The following CFAP410 variants were observed in gnomAD, a reference collection of about 807,000 sequenced individuals.
CFAP410 encodes the protein cilia and flagella associated protein 410, also known as cilia- and flagella-associated protein 410.
A neutral mutation model predicts 25.7 loss-of-function variants in CFAP410; 27 were observed. The observed-to-expected ratio is 1.05, with a 90% CI of 0.77 to 1.45. The LOEUF (loss-of-function observed/expected upper bound fraction) is 1.45, where lower values mean the gene tolerates loss of function less well. Among genes scored for constraint, CFAP410 ranks in the 40% most tolerant of loss-of-function variants. The pLI is 0.00. For synonymous variants in CFAP410, 178 were observed against 158.4 expected (o/e 1.12, Z -0.93); for missense variants, 428 against 354.1 (o/e 1.21, Z -1.67).
chr21:44,330,320 G>A lies in CFAP410; in HGVS notation c.649C>T (p.Leu217=), dbSNP rs1340850087. 1.9e-6 allele frequency: 3 copies of A among 1,610,368 alleles called. No homozygotes were observed. Among genetic ancestry groups the A allele is most frequent in the African/African-American group, 1.3e-5 (1 of 75,040 alleles). Reference sequence around the variant, plus strand: ...CGCAGCAGCAGCAGGATGGCAGTCAGGACGTTCTGAGGGCAGAGGGGTGCG... The same window carrying A: ...CGCAGCAGCAGCAGGATGGCAGTCAAGACGTTCTGAGGGCAGAGGGGTGCG... ...ASSSHRGRNV[L]TAILLLLREL... is the part of the protein sequence containing the mutation. The change falls in exon 7 of 7, where the codon CTG becomes TTG. Residue 217 remains leucine, a synonymous_variant. Transcript: ENST00000339818.
chr21:44,336,588 G>A (rs1228514472), intron 2 of CFAP410, among the ~76,000 whole-genome samples: 2 of 152,184 alleles, frequency 1.3e-5, no homozygotes, highest in African/African-American at 4.8e-5. Flanking sequence ...CATGGCACCA[G>A]CAGCTCACAG....
At chr21:44,333,489 G>C (rs1018288448) in intron 3 of CFAP410, 6 of 589,206 alleles carry the variant, frequency 1.0e-5, no homozygotes, top group Non-Finnish European at 3.0e-6. Flanking sequence ...GACCCCACCA[G>C]CAACAGCCCC....
At chr21:44,335,853 C>A (rs147855042) in intron 2 of CFAP410, 49 bp from the exon 3 acceptor site, 4 of 1,396,520 alleles carry the variant, frequency 2.9e-6, no homozygotes. Flanking sequence ...CAGGGCATCG[C>A]GGCCGCACTG....
intron 1 of CFAP410, chr21:44,338,117 C>T (rs1016580828): frequency 4.9e-6 from 2 of 410,454 alleles, no homozygotes; most frequent in Non-Finnish European, 8.2e-6. Flanking sequence ...GTACTGACCA[C>T]CCCATGCAAA....
At chr21:44,333,640 A>G in intron 3 of CFAP410, 2 of 326,462 alleles carry the variant, frequency 6.1e-6, no homozygotes, top group Non-Finnish European at 1.1e-5. Context: ...GGCCAGAAAA[A>G]CTCATGGCAA....
intron 1 of CFAP410, chr21:44,338,406 C>A: frequency 1.1e-6 from 1 of 926,424 alleles, no homozygotes; most frequent in Non-Finnish European, 1.5e-6. Flanking sequence ...AGCTCCTGGT[C>A]TTCCTTGGCT....
chr21:44,339,354 GC>G lies in CFAP410; in HGVS notation c.-161del, dbSNP rs1489190641. Reference sequence around the variant, plus strand: ...GAGGAGAGCGGGGCGACGCGAGCCCGCTGGGGCCGCTTGGGCGCCGCTGACA... The same window carrying G: ...GAGGAGAGCGGGGCGACGCGAGCCCGTGGGGCCGCTTGGGCGCCGCTGACA... On this transcript the variant is annotated 5_prime_UTR_variant, in exon 1 of 7. Transcript: ENST00000339818. 2.3e-6 allele frequency: 1 copy of G among 430,514 alleles called. No homozygotes were observed. Among genetic ancestry groups the G allele is most frequent in the African/African-American group, 2.1e-5 (1 of 48,294 alleles). The allele number at this position is 430,514 out of a possible 1,614,324, so 26.7% of individuals were successfully genotyped here.
rs1602094512 is a variant in CFAP410, at chr21:44,339,378, A to T, written c.-184T>A. The T allele has an allele frequency of 2.4e-6, 1 of 421,894 alleles. No homozygotes were observed. Among genetic ancestry groups the T allele is most frequent in the African/African-American group, 2.1e-5 (1 of 48,160 alleles). The allele number at this position is 421,894 out of a possible 1,614,324, so 26.1% of individuals were successfully genotyped here. On this transcript the variant is annotated 5_prime_UTR_variant, in exon 1 of 7. Coordinates refer to ENST00000339818, the MANE Select transcript of CFAP410 (RefSeq NM_004928.3). ...CGCTGGGGCCGCTTGGGCGCCGCTG[A>T]CACGTTGGCTCTGCTCCTGCTCATG...
Position 44,330,919 on chromosome 21 carries a change from G to A in CFAP410, c.546C>T (p.Thr182=). 1 of 1,587,308 alleles carries A rather than the reference G, an allele frequency of 6.3e-7. No individual in the cohort carries two copies. Among genetic ancestry groups the A allele is most frequent in the Non-Finnish European group, 8.6e-7 (1 of 1,163,488 alleles). ...RDPLDSEEEA[T]SGAQDERGLK... ...GGCCACGTTCATCCTGGGCGCCGCT[G>A]CTGAGAGGGAGACAAAGGCGTGTGA... Residue 182 remains threonine, a splice_region_variant and synonymous_variant, in exon 6 of 7, where the codon ACC becomes ACT. Transcript: ENST00000339818.
chr21:44,334,246 A>G (rs1568989364), intron 3 of CFAP410: 1 of 456,228 alleles, frequency 2.2e-6, no homozygotes, highest in Non-Finnish European at 4.4e-6. Flanking sequence ...CCCTCCCGAG[A>G]TGTGACAGAA....
chr21:44,333,301 A>T (rs760097234), intron 3 of CFAP410, 39 bp from the exon 4 acceptor site: 1 of 1,491,842 alleles, frequency 6.7e-7, no homozygotes. Context: ...GGACGTGGCC[A>T]GGGCCCCCAG....
In CFAP410 at chr21:44,333,226, C is replaced by T. The variant is rs1381615642; in HGVS notation, c.180G>A (p.Arg60=). Residue 60 remains arginine, a synonymous_variant, in exon 4 of 7, where the codon CGG becomes CGA. Transcript: ENST00000339818. ...NSISTLEPVS[R]CQRLSELYLR... ...GGTACAGCTCACTCAGGCGCTGGCA[C>T]CGGCTCACAGGCTCCAGGGTGGAGA... The T allele has an allele frequency of 3.1e-6, 5 of 1,612,794 alleles. No homozygotes were observed. Among genetic ancestry groups the T allele is most frequent in the South Asian group, 1.1e-5 (1 of 91,022 alleles).
At chr21:44,332,708 G>GC in intron 4 of CFAP410, 2 of 362,406 alleles carry the variant, frequency 5.5e-6, no homozygotes, top group South Asian at 6.2e-5. Context: ...TCGCCATGGC[G>GC]CATGGCGATG....
intron 3 of CFAP410, chr21:44,334,031 G>C (rs1034019699): frequency 2.2e-6 from 1 of 447,202 alleles, no homozygotes; most frequent in African/African-American, 2.0e-5. Flanking sequence ...GTCTCATGCA[G>C]CTCCTAGCTA....
At chr21:44,336,691 A>G (rs2047762679) in intron 2 of CFAP410, 1 of 152,244 alleles carries the variant, frequency 6.6e-6, no homozygotes, top group Non-Finnish European at 1.5e-5. Flanking sequence ...TTTCAGTTAC[A>G]GCACAAAACA....
intron 4 of CFAP410, chr21:44,332,494 CTG>C (rs59703011): frequency 0.02 from 3,261 of 164,058 alleles, 106 homozygotes; most frequent in African/African-American, 0.073. Flanking sequence ...GCCTGGAAAA[CTG>C]TGTCGGTGCT....
In CFAP410 at chr21:44,330,242, GCCGGCTGC is replaced by G; in HGVS notation, c.719_726del (p.Gly240AlafsTer67). On this transcript the variant is annotated frameshift_variant, in exon 7 of 7. Coordinates refer to ENST00000339818, the MANE Select transcript of CFAP410 (RefSeq NM_004928.3). LOFTEE classifies it high-confidence loss of function. The stretch of plus-strand genomic sequence containing the variant: ...ACCTCTTCCCCACGCAGGGCCTGCA[GCCGGCTGC>G]CCACAGTCTGCTGCACGGCCTCCAG... The G allele has an allele frequency of 6.3e-7, 1 of 1,593,476 alleles. No individual in the cohort carries two copies. Among genetic ancestry groups the G allele is most frequent in the Admixed American group, 1.7e-5 (1 of 57,684 alleles).
At chr21:44,333,361 G>A in intron 3 of CFAP410, 99 bp from the exon 4 acceptor site, 2 of 905,350 alleles carry the variant, frequency 2.2e-6, no homozygotes, top group Non-Finnish European at 3.4e-6. Context: ...TGGGACCTGT[G>A]TCCCTGCCCT....
At chr21:44,331,482 G>A (rs867302681) in intron 5 of CFAP410, 26 of 306,354 alleles carry the variant, frequency 8.5e-5, no homozygotes, top group African/African-American at 3.8e-4. Context: ...ACTGATGGCC[G>A]TGCCCACAAA....
Sources: allele counts gnomAD v4.1 joint callset (sites outside exome capture counted in the v4.1 genomes callset), GRCh38; gene constraint gnomAD v4.1.1; transcripts MANE v1.5; gene names NCBI Gene and HGNC (gene_info 2026-07-23, HGNC 2026-07-21).